The following DGKG variants were observed in gnomAD, a reference collection of about 807,000 sequenced individuals.
The protein encoded by DGKG is diacylglycerol kinase gamma, also known as DAG kinase gamma.
In DGKG, 78 loss-of-function variants were observed where a neutral mutation model predicts 105.3. That is an observed-to-expected ratio of 0.74 (90% CI 0.62 to 0.89). DGKG has a LOEUF of 0.89. DGKG is among the 40% of genes least tolerant of loss of function. The pLI is 0.00. For synonymous variants in DGKG, 346 were observed against 367.1 expected (o/e 0.94, Z 0.66); for missense variants, 958 against 1,020.1 (o/e 0.94, Z 0.83).
At chr3:186,275,715 G>A (rs1432071661) in intron 9 of DGKG, 51 bp from the exon 10 acceptor site, 2 of 1,284,556 alleles carry the variant, frequency 1.6e-6, no homozygotes, top group Admixed American at 1.9e-5. Flanking sequence ...CTGAGATGGA[G>A]GAAGCCAGGG....
chr3:186,161,763 C>A, intron 23 of DGKG, 100 bp from the exon 24 acceptor site: 1 of 1,564,292 alleles, frequency 6.4e-7, no homozygotes, highest in Non-Finnish European at 8.7e-7. Context: ...CCTTATCTGC[C>A]TACCTAAGTG....
At chr3:186,186,480 T>C (rs1717644594) in intron 22 of DGKG, among the ~76,000 whole-genome samples, 1 of 152,140 alleles carries the variant, frequency 6.6e-6, no homozygotes, top group African/African-American at 2.4e-5. Context: ...AGCACAGAGA[T>C]TGATTAGGTA....
rs781082512 is a variant in DGKG at position 186,320,674 on chromosome 3, G to A, written c.-215C>T. 9.7e-5 allele frequency: 55 copies of A among 569,552 alleles called. No individual in the cohort carries two copies. Among genetic ancestry groups the A allele is most frequent in the Non-Finnish European group, 1.3e-4 (46 of 362,062 alleles). 35.3% of individuals were successfully genotyped at this position (569,552 alleles called of 1,614,324 possible). On this transcript the variant is annotated 5_prime_UTR_variant, in exon 2 of 25. Coordinates refer to ENST00000265022, the MANE Select transcript of DGKG (RefSeq NM_001346.3). ...TTCCTTAGGCAACATCCTCCTGTCT[G>A]TATTCAAGGTAAATTCAGAAGTCCT...
chr3:186,321,952 C>T (rs1725099554), intron 1 of DGKG, among the ~76,000 whole-genome samples: 1 of 152,160 alleles, frequency 6.6e-6, no homozygotes, highest in Non-Finnish European at 1.5e-5. Context: ...TTGGCACATG[C>T]TACTGTCAAG....
chr3:186,245,139 G>A (rs906735808), intron 19 of DGKG, among the ~76,000 whole-genome samples: 1 of 152,164 alleles, frequency 6.6e-6, no homozygotes, highest in African/African-American at 2.4e-5. Flanking sequence ...TCCGGGATAT[G>A]TGTACAGGCC....
At chr3:186,285,549 A>G (rs1413373027) in intron 6 of DGKG, among the ~76,000 whole-genome samples, 1 of 152,212 alleles carries the variant, frequency 6.6e-6, no homozygotes, top group Non-Finnish European at 1.5e-5. Flanking sequence ...CTACATGTTT[A>G]CTTATGGGAC....
chr3:186,341,974 C>T (rs1010325468), intron 1 of DGKG, among the ~76,000 whole-genome samples: 6 of 152,134 alleles, frequency 3.9e-5, no homozygotes, highest in African/African-American at 7.2e-5. Context: ...AATGAGGACA[C>T]ATGGACACAG....
chr3:186,147,596 T>C lies in DGKG; in HGVS notation c.*2494A>G, dbSNP rs1228832118. Reference sequence around the variant, plus strand: ...ATGCCTCTAAGAAGGACTTGGGATATGTCTCTCAAGCAACATTGCAAGTCC... The same window carrying C: ...ATGCCTCTAAGAAGGACTTGGGATACGTCTCTCAAGCAACATTGCAAGTCC... On this transcript the variant is annotated 3_prime_UTR_variant, in exon 25 of 25. Transcript: ENST00000265022. The C allele has an allele frequency of 1.0e-6, 1 of 985,340 alleles. No individual in the cohort carries two copies. The highest frequency in any genetic ancestry group is 1.2e-6 in the Non-Finnish European group (1 of 829,936). The allele number at this position is 985,340 out of a possible 1,614,324, so 61.0% of individuals were successfully genotyped here. A position where few individuals can be genotyped will look rare whatever the true frequency, so the allele number is the denominator to read the frequency against.
chr3:186,223,272 G>A (rs1411218589), intron 20 of DGKG, among the ~76,000 whole-genome samples: 1 of 151,680 alleles, frequency 6.6e-6, no homozygotes, highest in African/African-American at 2.4e-5. Context: ...CTACTTAGGA[G>A]GGGAATGGAG....
At chr3:186,175,234 T>C (rs1717017142) in intron 22 of DGKG, among the ~76,000 whole-genome samples, 2 of 152,134 alleles carry the variant, frequency 1.3e-5, no homozygotes, top group South Asian at 4.1e-4. Context: ...CAAGGGCAGA[T>C]GGGTAGGAGA....
intron 22 of DGKG, among the ~76,000 whole-genome samples, chr3:186,186,096 C>A (rs1282864669): frequency 0.013 from 978 of 74,830 alleles, no homozygotes; most frequent in South Asian, 0.02. Flanking sequence ...GACTCTGCCT[C>A]AAAAAAAAAA....
At position 186,148,079 on chromosome 3, in the gene DGKG, C is replaced by T. The variant is rs1715584006; in HGVS notation, c.*2011G>A. ...CTCCTGTCCAATGCAAGATTAGAGG[C>T]AGCTCAGTGGAACGATATCAAGTGG... On this transcript the variant is annotated 3_prime_UTR_variant, in exon 25 of 25. Transcript: ENST00000265022. 1 of 985,484 alleles carries T rather than the reference C, an allele frequency of 1.0e-6. No homozygotes were observed. Among genetic ancestry groups the T allele is most frequent in the Admixed American group, 6.1e-5 (1 of 16,280 alleles). 61.0% of individuals were successfully genotyped at this position (985,484 alleles called of 1,614,324 possible).
chr3:186,250,944 T>C (rs1249335993), intron 19 of DGKG, among the ~76,000 whole-genome samples: 1 of 151,848 alleles, frequency 6.6e-6, no homozygotes, highest in Non-Finnish European at 1.5e-5. Context: ...ATGATTGATC[T>C]GTCCCCTCCT....
intron 20 of DGKG, among the ~76,000 whole-genome samples, chr3:186,225,422 C>T (rs932345876): frequency 6.6e-6 from 1 of 152,138 alleles, no homozygotes; most frequent in Non-Finnish European, 1.5e-5. Flanking sequence ...AAATAATTGG[C>T]CCCCATCACA....
At chr3:186,263,934 A>G (rs2108576395) in intron 14 of DGKG, among the ~76,000 whole-genome samples, 1 of 152,352 alleles carries the variant, frequency 6.6e-6, no homozygotes, top group East Asian at 1.9e-4. Context: ...AAAGGATAGT[A>G]GCATTTCCGA....
intron 19 of DGKG, among the ~76,000 whole-genome samples, chr3:186,249,020 C>G (rs749548247): frequency 6.6e-6 from 1 of 152,134 alleles, no homozygotes; most frequent in Non-Finnish European, 1.5e-5. Context: ...TCCAGAACCC[C>G]GGACCTGTCA....
chr3:186,270,989 G>A (rs1037824060), intron 11 of DGKG, among the ~76,000 whole-genome samples: 2 of 152,234 alleles, frequency 1.3e-5, no homozygotes, highest in African/African-American at 4.8e-5. Context: ...ATGGAGCAGG[G>A]TGTGCATGGG....
intron 1 of DGKG, among the ~76,000 whole-genome samples, chr3:186,355,280 G>T (rs1351051229): frequency 2.5e-3 from 59 of 23,448 alleles, no homozygotes; most frequent in East Asian, 0.023. Context: ...CCACCAGCAC[G>T]ATCATCATCA....
chr3:186,267,569 C>G, intron 13 of DGKG, 116 bp downstream of exon 13: 1 of 796,382 alleles, frequency 1.3e-6, no homozygotes, highest in Non-Finnish European at 2.1e-6. Flanking sequence ...AAAGAAAACA[C>G]AAACCCAAAG....
Sources: allele counts gnomAD v4.1 joint callset (sites outside exome capture counted in the v4.1 genomes callset), GRCh38; gene constraint gnomAD v4.1.1; transcripts MANE v1.5; gene names NCBI Gene and HGNC (gene_info 2026-07-23, HGNC 2026-07-21).